Variants in AUTS2 observed in about 807,000 individuals in gnomAD.
The protein encoded by AUTS2 is activator of transcription and developmental regulator AUTS2, also known as autism susceptibility gene 2 protein.
In AUTS2, 17 loss-of-function variants were observed where a neutral mutation model predicts 112.4. The observed-to-expected ratio is 0.15, with a 90% CI of 0.10 to 0.23. The LOEUF is 0.23. AUTS2 is among the 10% of genes least tolerant of loss of function. The pLI is 1.00. For synonymous variants in AUTS2, 751 were observed against 702.7 expected, an observed-to-expected ratio of 1.07 and a Z score of -1.09; for missense variants, 1,510 against 1,701.6, an observed-to-expected ratio of 0.89 and a Z score of 1.98.
intron 1 of AUTS2, among the ~76,000 whole-genome samples, chr7:69,832,602 G>A (rs1672439354): frequency 6.6e-6 from 1 of 152,186 alleles, no homozygotes; most frequent in African/African-American, 2.4e-5. Flanking sequence ...GACTCATGCT[G>A]TTCCTTTAGA....
At chr7:70,160,320 C>A (rs990764988) in intron 4 of AUTS2, among the ~76,000 whole-genome samples, 2 of 152,096 alleles carry the variant, frequency 1.3e-5, no homozygotes, top group Non-Finnish European at 2.9e-5. Context: ...TTTTGATCAC[C>A]TTCTTGCTTT....
intron 5 of AUTS2, among the ~76,000 whole-genome samples, chr7:70,696,844 G>C (rs1313925200): frequency 1.3e-5 from 2 of 152,076 alleles, no homozygotes; most frequent in Non-Finnish European, 2.9e-5. Flanking sequence ...GGTTATGTCA[G>C]TTTGGTAAAA....
At chr7:70,409,083 G>A (rs1794667731) in intron 4 of AUTS2, among the ~76,000 whole-genome samples, 1 of 152,152 alleles carries the variant, frequency 6.6e-6, no homozygotes, top group African/African-American at 2.4e-5. Flanking sequence ...GCCCCTGAAG[G>A]TTTCATCTTG....
At position 70,762,873 on chromosome 7, in the gene AUTS2, C is replaced by T. The variant is rs771454541; in HGVS notation, c.746C>T (p.Pro249Leu). Residue 249 changes from proline to leucine, a missense_variant, in exon 7 of 19, where the codon CCG becomes CTG. Coordinates refer to ENST00000342771, the MANE Select transcript of AUTS2 (RefSeq NM_015570.4). ...LFNTVIVNKD[P>L]ELGVGTLPEH... ...GTCTTTGCTCTCTCCCATGCAGATC[C>T]GGAGTTAGGTGTTGGCACGCTACCA... is the stretch of plus-strand genomic sequence containing the variant. 19 of 1,610,138 alleles carry T rather than the reference C, an allele frequency of 1.2e-5. No individual in the cohort carries two copies. The highest frequency in any genetic ancestry group is 3.3e-5 in the South Asian group (3 of 91,004).
chr7:70,100,958 A>G (rs1465163404), intron 2 of AUTS2, among the ~76,000 whole-genome samples: 1 of 151,874 alleles, frequency 6.6e-6, no homozygotes, highest in Non-Finnish European at 1.5e-5. Context: ...GCTCACTGCA[A>G]CCTCCGCCTC....
intron 2 of AUTS2, among the ~76,000 whole-genome samples, chr7:70,003,493 T>C (rs1407281571): frequency 5.6e-5 from 7 of 125,390 alleles, no homozygotes; most frequent in Non-Finnish European, 9.3e-5. Context: ...ATATAATATA[T>C]ATGAATATGT....
At chr7:70,491,619 GTGTGTA>G (rs1422087410) in intron 5 of AUTS2, among the ~76,000 whole-genome samples, 31 of 138,056 alleles carry the variant, frequency 2.2e-4, no homozygotes, top group Admixed American at 6.5e-4. Context: ...GTGTGTGTGT[GTGTGTA>G]TTTTTTTGAG....
chr7:70,494,073 G>A (rs11762478), intron 5 of AUTS2, among the ~76,000 whole-genome samples: 8,179 of 152,172 alleles, frequency 0.054, 282 homozygotes, highest in Middle Eastern at 0.13. Flanking sequence ...ATTTGAAATC[G>A]GCGTCCTCTT....
chr7:70,226,880 A>T (rs1811792998), intron 4 of AUTS2, among the ~76,000 whole-genome samples: 2 of 152,192 alleles, frequency 1.3e-5, no homozygotes, highest in Admixed American at 1.3e-4. Context: ...ATTGTGTTGA[A>T]ATGAATTTGA....
intron 1 of AUTS2, among the ~76,000 whole-genome samples, chr7:69,807,641 A>C (rs1208185888): frequency 6.6e-6 from 1 of 152,080 alleles, no homozygotes; most frequent in Admixed American, 6.6e-5. Context: ...TTTAATGTTT[A>C]GTTTCCTGGA....
chr7:70,590,496 GC>G (rs1438642379), intron 5 of AUTS2, among the ~76,000 whole-genome samples: 1 of 152,190 alleles, frequency 6.6e-6, no homozygotes, highest in African/African-American at 2.4e-5. Flanking sequence ...AGTGGTTGAA[GC>G]AGCTCTGAGG....
At chr7:70,116,769 A>G (rs1004761097) in intron 2 of AUTS2, among the ~76,000 whole-genome samples, 2 of 152,200 alleles carry the variant, frequency 1.3e-5, no homozygotes, top group East Asian at 3.8e-4. Flanking sequence ...CCAAGGCTTC[A>G]GAAATCACTT....
chr7:70,249,044 G>A (rs1813074396), intron 4 of AUTS2, among the ~76,000 whole-genome samples: 1 of 152,112 alleles, frequency 6.6e-6, no homozygotes. Context: ...GATATTTTAA[G>A]TTAACAAGTT....
chr7:70,687,703 C>A (rs546425153), intron 5 of AUTS2, among the ~76,000 whole-genome samples: 1 of 152,086 alleles, frequency 6.6e-6, no homozygotes, highest in Non-Finnish European at 1.5e-5. Context: ...TACAGCAGTA[C>A]GAGCATGAGC....
intron 4 of AUTS2, among the ~76,000 whole-genome samples, chr7:70,377,483 A>G (rs1793164063): frequency 6.7e-6 from 1 of 149,654 alleles, no homozygotes; most frequent in Admixed American, 6.6e-5. Context: ...TTAAAGCCAT[A>G]AAATGGCTTA....
intron 5 of AUTS2, among the ~76,000 whole-genome samples, chr7:70,654,422 CG>C (rs1806665330): frequency 6.6e-6 from 1 of 152,034 alleles, no homozygotes; most frequent in South Asian, 2.1e-4. Flanking sequence ...AAAAATAAGA[CG>C]GAGGTCACAT....
At chr7:69,765,664 G>T (rs1260607249) in intron 1 of AUTS2, among the ~76,000 whole-genome samples, 1 of 152,156 alleles carries the variant, frequency 6.6e-6, no homozygotes, top group Non-Finnish European at 1.5e-5. Context: ...TATAGTCCGG[G>T]CACGGTGGCT....
intron 2 of AUTS2, among the ~76,000 whole-genome samples, chr7:70,102,786 A>G (rs1323530039): frequency 6.6e-6 from 1 of 152,114 alleles, no homozygotes; most frequent in East Asian, 1.9e-4. Flanking sequence ...TTTCTTTAAG[A>G]TGGCTAAGGT....
At chr7:70,514,655 G>C (rs907850017) in intron 5 of AUTS2, among the ~76,000 whole-genome samples, 10 of 152,308 alleles carry the variant, frequency 6.6e-5, no homozygotes, top group African/African-American at 2.4e-4. Flanking sequence ...GAGATTTGGA[G>C]GGGACAGAAC....
Sources: gnomAD v4.1 joint callset for allele counts (sites outside exome capture counted in the v4.1 genomes callset) on GRCh38, gnomAD v4.1.1 for gene constraint, MANE v1.5 for transcripts, NCBI Gene and HGNC (gene_info 2026-07-23, HGNC 2026-07-21) for gene names.